The following MYO10 variants were observed in gnomAD, a reference collection of about 807,000 sequenced individuals.
The protein encoded by MYO10 is myosin X.
MYO10 carries 133 observed loss-of-function variants against 257.3 expected under a neutral mutation model. The observed-to-expected ratio is 0.52, with a 90% confidence interval of 0.45 to 0.60. The LOEUF is 0.60. MYO10 is among the 20% of genes least tolerant of loss of function. MYO10 has a pLI of 0.00. For synonymous variants in MYO10, 1,104 were observed against 1,028.6 expected, an observed-to-expected ratio of 1.07 and a Z score of -1.40; for missense variants, 2,399 against 2,635.7, an observed-to-expected ratio of 0.91 and a Z score of 1.97.
In MYO10 at chr5:16,701,885, T is replaced by C; in HGVS notation, c.2557-47A>G. 1 of 1,537,072 alleles carries C rather than the reference T, an allele frequency of 6.5e-7. No homozygotes were observed. The highest frequency in any genetic ancestry group is 8.7e-7 in the Non-Finnish European group (1 of 1,148,498). ...ATTTCAGAAGGCTTCAGTACAAAAGTCCAAGCATAGCTCCCGCTTTGCAAC... is the reference window on the plus strand; with the variant it reads ...ATTTCAGAAGGCTTCAGTACAAAAGCCCAAGCATAGCTCCCGCTTTGCAAC... On this transcript the variant is annotated intron_variant, in intron 24 of 40. Transcript: ENST00000513610. The surrounding 1 kb of genome is among the most constrained non-coding windows in gnomAD (Gnocchi z 8.1).
Position 16,702,581 on chromosome 5 carries a change from CTCTT to C in MYO10, c.2514_2517del (p.Arg841SerfsTer33), listed in dbSNP as rs1561194835. On this transcript the variant is annotated frameshift_variant, in exon 24 of 41. Transcript: ENST00000513610. LOFTEE classifies it high-confidence loss of function. ...AGCTCGGCTTCTCTTCGCTCTCTCT[CTCTT>C]TCTCTAAAAATAGTAAAGGAAAAGT... 1.3e-6 allele frequency: 2 copies of C among 1,583,196 alleles called. No individual in the cohort carries two copies. The highest frequency in any genetic ancestry group is 8.6e-7 in the Non-Finnish European group (1 of 1,163,892).
In MYO10 at chr5:16,680,124, C is replaced by A; in HGVS notation, c.4385-20G>T. On this transcript the variant is annotated intron_variant, in intron 32 of 40. Transcript: ENST00000513610. ...AGTAGCCTGCAATGGCAGGGGTGCCCAGCACACGCACGTCAACGCCAACCT... is the reference window on the plus strand; with the variant it reads ...AGTAGCCTGCAATGGCAGGGGTGCCAAGCACACGCACGTCAACGCCAACCT... The A allele has an allele frequency of 6.2e-7, 1 of 1,600,192 alleles. No individual in the cohort carries two copies. Among genetic ancestry groups the A allele is most frequent in the Non-Finnish European group, 8.6e-7 (1 of 1,169,540 alleles).
rs557475110 is a variant in MYO10, at chr5:16,776,427, T to C, written c.930+3118A>G. Among the ~76,000 whole-genome samples, 4 of 152,342 alleles carry C rather than the reference T, an allele frequency of 2.6e-5. No individual in the cohort carries two copies. In the South Asian group the frequency reaches 8.3e-4, roughly 32 times the overall value. ...ATATTAATAAACATCAGCTAAGTTT[T>C]CATTGATACACCTGCTAGACTAACA... On this transcript the variant is annotated intron_variant, in intron 9 of 40. Transcript: ENST00000513610.
At chr5:16,752,088 G>A (rs148112167) in intron 19 of MYO10, among the ~76,000 whole-genome samples, 2 of 152,134 alleles carry the variant, frequency 1.3e-5, no homozygotes, top group Non-Finnish European at 2.9e-5. Context: ...CCATCCAAGA[G>A]AGAAAACAGA....
In MYO10 at chr5:16,674,927, C is replaced by T. The variant is rs749612967; in HGVS notation, c.4890G>A (p.Gln1630=). The T allele has an allele frequency of 3.1e-6, 5 of 1,613,930 alleles. No individual in the cohort carries two copies. Among genetic ancestry groups the T allele is most frequent in the Non-Finnish European group, 4.2e-6 (5 of 1,179,908 alleles). The change falls in exon 35 of 41, where the codon CAG becomes CAA. Residue 1630 remains glutamine, a synonymous_variant. Coordinates refer to ENST00000513610, the MANE Select transcript of MYO10 (RefSeq NM_012334.3). ...PGSVGNLYSW[Q]ILTCLSCTFL... ...AGGTGCAGCTCAGGCATGTCAGGAT[C>T]TGCCAGCTGTACAGGTTGCCCACAC... is the stretch of plus-strand genomic sequence containing the variant.
At chr5:16,757,301 A>AACACAC (rs71595978) in intron 18 of MYO10, among the ~76,000 whole-genome samples, 2,284 of 84,332 alleles carry the variant, frequency 0.027, 120 homozygotes, top group Admixed American at 0.12. Flanking sequence ...CACACACACA[A>AACACAC]ACACACACAC....
rs1743334048 is a variant in MYO10 at position 16,837,043 on chromosome 5, G to A, written c.121-18876C>T. Among the ~76,000 whole-genome samples the A allele has an allele frequency of 2.0e-5, 3 of 152,278 alleles. No individual in the cohort carries two copies. In the East Asian group the frequency reaches 5.8e-4, roughly 29 times the overall value. ...ATGTACTGATAGGCAGGGAGAGGTG[G>A]CTCACACCTGTAATCCCAGTACTTT... On this transcript the variant is annotated intron_variant, in intron 2 of 40. Transcript: ENST00000513610.
chr5:16,726,204 A>G (rs1419866333), intron 19 of MYO10, among the ~76,000 whole-genome samples: 1 of 152,190 alleles, frequency 6.6e-6, no homozygotes, highest in Non-Finnish European at 1.5e-5. Context: ...AGTGGCCACT[A>G]TGGTCATCTG....
chr5:16,875,324 AGACAGAAGACAGGCGGAGT>A (rs1375602946), intron 2 of MYO10, among the ~76,000 whole-genome samples: 1 of 152,224 alleles, frequency 6.6e-6, no homozygotes, highest in Non-Finnish European at 1.5e-5. Context: ...GGGGAAACTG[AGACAGAAGACAGGCGGAGT>A]GACAGAAAAA....
intron 11 of MYO10, among the ~76,000 whole-genome samples, chr5:16,764,692 G>C (rs990505427): frequency 1.3e-5 from 2 of 151,762 alleles, no homozygotes; most frequent in African/African-American, 4.8e-5. Flanking sequence ...GGTTTTTTTT[G>C]TTTTTTGTTT....
intron 3 of MYO10, among the ~76,000 whole-genome samples, chr5:16,811,357 T>C (rs1742435866): frequency 6.6e-6 from 1 of 152,122 alleles, no homozygotes; most frequent in South Asian, 2.1e-4. Context: ...TCATCCTAGG[T>C]GGGGAACCAA....
At chr5:16,840,051 T>C (rs1485969708) in intron 2 of MYO10, among the ~76,000 whole-genome samples, 2 of 151,894 alleles carry the variant, frequency 1.3e-5, no homozygotes, top group Non-Finnish European at 2.9e-5. Context: ...TGTGAGAAGG[T>C]GAGAAGGTAC....
At position 16,839,501 on chromosome 5, in the gene MYO10, T is replaced by C. The variant is rs1743407288; in HGVS notation, c.121-21334A>G. 2.0e-5 allele frequency among the ~76,000 whole-genome samples: 3 copies of C among 152,080 alleles called. No homozygotes were observed. The South Asian group carries it at 6.2e-4, about 32-fold the overall frequency. On this transcript the variant is annotated intron_variant, in intron 2 of 40. Transcript: ENST00000513610. ...GCTCACACCTGCAATTCCAGCACTT[T>C]GGGGGGCCAAGGTAGGAGGACTACT...
Position 16,683,874 on chromosome 5 carries a change from G to C in MYO10, c.4046+6C>G, listed in dbSNP as rs1425658983. The stretch of plus-strand genomic sequence containing the variant: ...TGTTTTTGTTAAGAGCCACATCTGA[G>C]CTTACCTATCAGGGCTGTCAGAGGC... On this transcript the variant is annotated splice_donor_region_variant and intron_variant, in intron 30 of 40. Coordinates refer to ENST00000513610, the MANE Select transcript of MYO10 (RefSeq NM_012334.3). The C allele has an allele frequency of 1.2e-6, 2 of 1,613,572 alleles. No individual in the cohort carries two copies. The highest frequency in any genetic ancestry group is 1.7e-6 in the Non-Finnish European group (2 of 1,179,786).
intron 39 of MYO10, 52 bp downstream of exon 39, chr5:16,670,474 T>C (rs1337771732): frequency 6.8e-7 from 1 of 1,479,552 alleles, no homozygotes; most frequent in Non-Finnish European, 9.2e-7. Flanking sequence ...GTGATCCATG[T>C]TCTCAGATGC....
intron 19 of MYO10, among the ~76,000 whole-genome samples, chr5:16,728,122 T>C: frequency 6.6e-6 from 1 of 152,202 alleles, no homozygotes; most frequent in East Asian, 1.9e-4. Flanking sequence ...CCCTCCGCCA[T>C]GGCTTCTTCC....
rs571635992 is a variant in MYO10 at position 16,829,134 on chromosome 5, A to G, written c.121-10967T>C. ...ACAATAGAGATGATCCATGTGGGAC[A>G]GGTAATGGCCAGGAGGGACACAGAT... On this transcript the variant is annotated intron_variant, in intron 2 of 40. Transcript: ENST00000513610. 1.8e-4 allele frequency among the ~76,000 whole-genome samples: 28 copies of G among 152,318 alleles called. 1 individual carries two copies. In the East Asian group the frequency reaches 3.9e-3, roughly 21 times the overall value.
intron 21 of MYO10, chr5:16,710,608 C>T: frequency 2.6e-6 from 1 of 386,278 alleles, no homozygotes; most frequent in South Asian, 3.5e-5. Flanking sequence ...TTCCAAAGTA[C>T]TGTTATTCGT....
intron 19 of MYO10, among the ~76,000 whole-genome samples, chr5:16,726,477 G>A (rs1459767087): frequency 6.6e-6 from 1 of 152,144 alleles, no homozygotes; most frequent in Non-Finnish European, 1.5e-5. Context: ...TTCTACAGAT[G>A]CATAACCTGA....
Sources: gnomAD v4.1 joint callset for allele counts (sites outside exome capture counted in the v4.1 genomes callset) on GRCh38, gnomAD v4.1.1 for gene constraint, Gnocchi (gnomAD v3.1) non-coding constraint, MANE v1.5 for transcripts, NCBI Gene and HGNC (gene_info 2026-07-23, HGNC 2026-07-21) for gene names.